ATG2B: variants seen among roughly 807,000 people sequenced by gnomAD.
ATG2B encodes the protein autophagy-related protein 2 homolog B.
A neutral mutation model predicts 241.3 loss-of-function variants in ATG2B; 121 were observed. The observed-to-expected ratio is 0.50, with a 90% CI of 0.43 to 0.58. The LOEUF (loss-of-function observed/expected upper bound fraction) is 0.58. ATG2B is among the 20% of genes least tolerant of loss of function. The probability of loss-of-function intolerance (pLI) is 0.00; values close to 1 mark genes in which losing one functional copy is unlikely to be tolerated. For synonymous variants in ATG2B, 858 were observed against 876.6 expected (o/e 0.98, Z 0.37); for missense variants, 2,306 against 2,491.6 (o/e 0.93, Z 1.59).
intron 29 of ATG2B, among the ~76,000 whole-genome samples, chr14:96,308,269 T>TATATATAC (rs1887045050): frequency 3.8e-5 from 1 of 26,526 alleles, no homozygotes; most frequent in South Asian, 9.4e-4. Flanking sequence ...TATATATATA[T>TATATATAC]ATATATATAT....
In ATG2B at chr14:96,315,203, G is replaced by T; in HGVS notation, c.3593C>A (p.Ala1198Asp). 1 of 1,614,058 alleles carries T rather than the reference G, an allele frequency of 6.2e-7. No individual in the cohort carries two copies. Among genetic ancestry groups the T allele is most frequent in the Non-Finnish European group, 8.5e-7 (1 of 1,179,938 alleles). The change falls in exon 23 of 42, where the codon GCC (alanine) becomes GAC (aspartate). Residue 1198 changes from alanine to aspartate, a missense_variant. Coordinates refer to ENST00000359933, the MANE Select transcript of ATG2B (RefSeq NM_018036.7). ...EFLIAVGLKG[A>D]TLQHRMLPSG... ...AGGAAGCATTCTATGCTGGAGAGTG[G>T]CTCCTTTCAGTCCTACGGCAATGAG...
intron 1 of ATG2B, among the ~76,000 whole-genome samples, chr14:96,357,026 C>T (rs755819481): frequency 1.4e-4 from 21 of 152,150 alleles, no homozygotes; most frequent in Non-Finnish European, 2.8e-4. Context: ...ACCCCATTTT[C>T]TCTGTCAAGG....
chr14:96,304,614 G>T lies in ATG2B; in HGVS notation c.4734-11C>A. The T allele has an allele frequency of 1.0e-6, 1 of 1,003,802 alleles. No individual in the cohort carries two copies. Among genetic ancestry groups the T allele is most frequent in the South Asian group, 2.1e-5 (1 of 47,240 alleles). The allele number at this position is 1,003,802 out of a possible 1,614,324, so 62.2% of individuals were successfully genotyped here. A position where few individuals can be genotyped will look rare whatever the true frequency, so the allele number is the denominator to read the frequency against. Reference sequence around the variant, plus strand: ...GAACTGTGGGGACTACTAAAAATGAGCAAAAAAAAAAAAAACCCTTTTGTT... The same window carrying T: ...GAACTGTGGGGACTACTAAAAATGATCAAAAAAAAAAAAAACCCTTTTGTT... On this transcript the variant is annotated splice_polypyrimidine_tract_variant and intron_variant, in intron 31 of 41. Transcript: ENST00000359933.
intron 2 of ATG2B, 23 bp from the exon 3 acceptor site, chr14:96,345,408 CTAAA>C (rs750416459): frequency 1.3e-6 from 2 of 1,552,904 alleles, no homozygotes; most frequent in South Asian, 2.4e-5. Context: ...TAAATTAATC[CTAAA>C]TAATTTCTTA....
chr14:96,322,678 A>G lies in ATG2B; in HGVS notation c.2598T>C (p.Ala866=). The change falls in exon 17 of 42, where the codon GCT becomes GCC. Residue 866 remains alanine, a synonymous_variant. Transcript: ENST00000359933. ...AMHSILERIA[A]EEEEENDGHY... ...GACCATCATTCTCCTCTTCTTCTTC[A>G]GCTGCAATTCTCTCCAAAATGGAAT... 1 of 1,613,764 alleles carries G rather than the reference A, an allele frequency of 6.2e-7. No individual in the cohort carries two copies. The highest frequency in any genetic ancestry group is 8.5e-7 in the Non-Finnish European group (1 of 1,179,834).
In ATG2B at chr14:96,295,579, A is replaced by AT; in HGVS notation, c.5140-20dup. 2.0e-6 allele frequency: 3 copies of AT among 1,515,294 alleles called. No homozygotes were observed. The highest frequency in any genetic ancestry group is 2.7e-6 in the Non-Finnish European group (3 of 1,110,128). 93.9% of individuals were successfully genotyped at this position (1,515,294 alleles called of 1,614,324 possible). A position where few individuals can be genotyped will look rare whatever the true frequency, so the allele number is the denominator to read the frequency against. Reference sequence around the variant, plus strand: ...AAGCATCCTAAAATTAAGAGATGTAATTTTAACTAAGGAAGAAAAGAATCA... The same window carrying AT: ...AAGCATCCTAAAATTAAGAGATGTAATTTTTAACTAAGGAAGAAAAGAATCA... On this transcript the variant is annotated intron_variant, in intron 34 of 41. Coordinates refer to ENST00000359933, the MANE Select transcript of ATG2B (RefSeq NM_018036.7).
intron 29 of ATG2B, among the ~76,000 whole-genome samples, chr14:96,308,923 T>C (rs904921846): frequency 1.3e-5 from 2 of 152,202 alleles, no homozygotes; most frequent in African/African-American, 4.8e-5. Flanking sequence ...AGAGAACTTT[T>C]GTTTCAGTAA....
intron 15 of ATG2B, among the ~76,000 whole-genome samples, chr14:96,325,254 AC>A (rs1595312855): frequency 1.3e-5 from 2 of 152,168 alleles, no homozygotes; most frequent in East Asian, 3.8e-4. Flanking sequence ...GGAAAAATAA[AC>A]ATATGGTGAT....
At chr14:96,322,368 A>G (rs1026714182) in intron 17 of ATG2B, 114 bp from the exon 18 acceptor site, 1 of 1,366,714 alleles carries the variant, frequency 7.3e-7, no homozygotes, top group African/African-American at 1.5e-5. Flanking sequence ...AGCATGAAAC[A>G]TTTAACTAGA....
Position 96,322,140 on chromosome 14 carries a change from T to C in ATG2B, c.2851A>G (p.Lys951Glu). ...TTATAAAGCTTCTCATAAAAGCTCT[T>C]ATTAGGTAGTGTTACATAAATATTT... is the stretch of plus-strand genomic sequence containing the variant. ...LPNIYVTLPN[K>E]SFYEKLYNRI... The change falls in exon 18 of 42, where the codon AAG becomes GAG. Residue 951 changes from lysine (K) to glutamate (E), a missense_variant. Coordinates refer to ENST00000359933, the MANE Select transcript of ATG2B (RefSeq NM_018036.7). 1 of 1,558,918 alleles carries C rather than the reference T, an allele frequency of 6.4e-7. No homozygotes were observed. Among genetic ancestry groups the C allele is most frequent in the African/African-American group, 1.4e-5 (1 of 70,818 alleles).
chr14:96,317,217 C>T lies in ATG2B; in HGVS notation c.3138G>A (p.Lys1046=). 1 of 1,613,568 alleles carries T rather than the reference C, an allele frequency of 6.2e-7. No homozygotes were observed. Among genetic ancestry groups the T allele is most frequent in the Non-Finnish European group, 8.5e-7 (1 of 1,179,542 alleles). Residue 1046 remains lysine, a synonymous_variant, in exon 20 of 42, where the codon AAG becomes AAA. Coordinates refer to ENST00000359933, the MANE Select transcript of ATG2B (RefSeq NM_018036.7). ...GAACTGAGAGAAAACTCTGAGAGTT[C>T]TTGTTCTGAGAGTCTAATTTTTTTT... ...RRKKKLDSQN[K]NSQSFLSVLL... is the part of the protein sequence containing the mutation.
intron 1 of ATG2B, among the ~76,000 whole-genome samples, chr14:96,357,602 C>T (rs1441506851): frequency 6.6e-6 from 1 of 152,184 alleles, no homozygotes; most frequent in East Asian, 1.9e-4. Flanking sequence ...TCTAGAATTT[C>T]CTATTTCACC....
chr14:96,298,127 C>T (rs1479601994), intron 34 of ATG2B, among the ~76,000 whole-genome samples: 1 of 152,166 alleles, frequency 6.6e-6, no homozygotes, highest in Non-Finnish European at 1.5e-5. Flanking sequence ...TAGCAAGACA[C>T]AGACACTTCA....
intron 5 of ATG2B, 122 bp downstream of exon 5, chr14:96,342,997 A>C (rs1888082628): frequency 1.5e-6 from 1 of 651,836 alleles, no homozygotes; most frequent in South Asian, 3.5e-5. Context: ...GAATATTTGC[A>C]TTAAATCTCA....
chr14:96,351,015 C>A (rs1888303570), intron 1 of ATG2B, among the ~76,000 whole-genome samples: 1 of 152,190 alleles, frequency 6.6e-6, no homozygotes, highest in Non-Finnish European at 1.5e-5. Context: ...AACCTCCAGA[C>A]AGGGCCAGCA....
At chr14:96,334,058 T>C (rs1887809523) in intron 7 of ATG2B, among the ~76,000 whole-genome samples, 185 bp from the exon 8 acceptor site, 1 of 152,214 alleles carries the variant, frequency 6.6e-6, no homozygotes, top group Non-Finnish European at 1.5e-5. Flanking sequence ...CCCAAAATCT[T>C]ATCGCTGATA....
In ATG2B at chr14:96,303,146, C is replaced by G; in HGVS notation, c.4952G>C (p.Arg1651Pro). ...QVFIVQDLEIRDRLATSQMNK... is the reference protein window; with the variant it reads ...QVFIVQDLEIPDRLATSQMNK... ...CATTTGTGATGTTGCCAAACGATCT[C>G]GAATCTCAAGATCCTGAACAATGAA... Residue 1651 changes from arginine to proline, a missense_variant, in exon 33 of 42, where the codon CGA becomes CCA. By Grantham distance (103) the Arg-to-Pro change is moderately radical. Around this residue, in one of 2 missense-constraint regions of ATG2B, gnomAD observed 1,927 missense variants for 2,011.2 expected, o/e 0.96. Coordinates refer to ENST00000359933, the MANE Select transcript of ATG2B (RefSeq NM_018036.7). The G allele has an allele frequency of 6.2e-7, 1 of 1,613,196 alleles. No individual in the cohort carries two copies. Among genetic ancestry groups the G allele is most frequent in the Non-Finnish European group, 8.5e-7 (1 of 1,179,606 alleles).
chr14:96,333,951 A>G, intron 7 of ATG2B, 78 bp from the exon 8 acceptor site: 4 of 1,256,008 alleles, frequency 3.2e-6, no homozygotes, highest in Non-Finnish European at 3.4e-6. Context: ...AAACCCATTT[A>G]TGGAACAACA....
intron 25 of ATG2B, among the ~76,000 whole-genome samples, chr14:96,312,417 G>A (rs1343479607): frequency 2.6e-5 from 4 of 152,116 alleles, no homozygotes; most frequent in Non-Finnish European, 4.4e-5. Context: ...TTAAAGAGAT[G>A]CCCAAATTCA....
Sources: gnomAD v4.1 joint callset for allele counts (sites outside exome capture counted in the v4.1 genomes callset) on GRCh38, gnomAD v4.1.1 for gene constraint, gnomAD v4.1.1 regional missense constraint, MANE v1.5 for transcripts, NCBI Gene and HGNC (gene_info 2026-07-23, HGNC 2026-07-21) for gene names.